LRRC9: variants seen among roughly 807,000 people sequenced by gnomAD.
The protein encoded by LRRC9 is leucine rich repeat containing 9.
Under a neutral mutation model 63.2 loss-of-function variants are expected in LRRC9, and 122 were observed. The ratio of observed to expected loss-of-function variants is 1.93; its 90% CI spans 1.67 to 2.24. The LOEUF (loss-of-function observed/expected upper bound fraction) is 2.24, where lower values mean the gene tolerates loss of function less well. Ranked by LOEUF, LRRC9 falls within the 30% of genes most tolerant of loss-of-function variation. The probability of loss-of-function intolerance (pLI) is 0.00; values close to 1 mark genes in which losing one functional copy is unlikely to be tolerated. For synonymous variants in LRRC9, 366 were observed against 213.1 expected, an observed-to-expected ratio of 1.72 and a Z score of -6.25; for missense variants, 1,071 against 627.7, an observed-to-expected ratio of 1.71 and a Z score of -7.55.
chr14:60,014,669 T>C (rs1890532871), intron 23 of LRRC9, among the ~76,000 whole-genome samples: 1 of 152,130 alleles, frequency 6.6e-6, no homozygotes, highest in Non-Finnish European at 1.5e-5. Flanking sequence ...GTCACTGTTT[T>C]CATGCCTTTT....
intron 1 of LRRC9, among the ~76,000 whole-genome samples, chr14:59,925,414 C>T (rs1034137641): frequency 2.6e-5 from 4 of 152,052 alleles, no homozygotes; most frequent in Admixed American, 2.6e-4. Flanking sequence ...ATGGCCAAGT[C>T]AGAAGGGCAA....
chr14:59,947,148 C>G lies in LRRC9; in HGVS notation c.882+2404C>G, dbSNP rs988315742. Among the ~76,000 whole-genome samples, 128 of 151,456 alleles carry G rather than the reference C, an allele frequency of 8.5e-4. 1 individual carries two copies. Among genetic ancestry groups the G allele is most frequent in the African/African-American group, 3.0e-3 (123 of 41,352 alleles). ...ACAGTGTAAAAGTGTTCTTATTTCT[C>G]CACATCCTCTCCAGCACCTGTTGTT... On this transcript the variant is annotated intron_variant, in intron 8 of 31. Coordinates refer to ENST00000445360, the Ensembl canonical transcript of LRRC9.
chr14:59,942,788 T>C lies in LRRC9; in HGVS notation c.727-1801T>C, dbSNP rs1881926310. 6.6e-6 allele frequency among the ~76,000 whole-genome samples: 1 copy of C among 152,258 alleles called. No individual in the cohort carries two copies. Among genetic ancestry groups the C allele is most frequent in the Non-Finnish European group, 1.5e-5 (1 of 67,990 alleles). On this transcript the variant is annotated intron_variant, in intron 7 of 31. Transcript: ENST00000445360. The surrounding 1 kb of genome is among the most constrained non-coding windows in gnomAD (Gnocchi z 5.3). ...AGCATCTCTCTCTCTCTTTTTTTTT[T>C]CTGTCTTTTTGATAATAGCCATTCT...
chr14:59,979,658 T>G (rs1036295469), intron 15 of LRRC9, among the ~76,000 whole-genome samples: 1 of 152,062 alleles, frequency 6.6e-6, no homozygotes, highest in African/African-American at 2.4e-5. Flanking sequence ...TTTGTTCATG[T>G]CCTTTGTAGG....
rs1887493556 is a variant in LRRC9, at chr14:59,986,548, G to A, written c.2211+1324G>A. Among the ~76,000 whole-genome samples, 6 of 152,306 alleles carry A rather than the reference G, an allele frequency of 3.9e-5. No homozygotes were observed. In the South Asian group the frequency reaches 1.2e-3, roughly 32 times the overall value. On this transcript the variant is annotated intron_variant, in intron 17 of 31. Transcript: ENST00000445360. The surrounding 1 kb of genome is among the most constrained non-coding windows in gnomAD (Gnocchi z 4.7). ...TTCAGTATGCAACTGAGGGAAAAAGGTATTTTAGAAGAGGTCTCAGGACTG... is the reference window on the plus strand; with the variant it reads ...TTCAGTATGCAACTGAGGGAAAAAGATATTTTAGAAGAGGTCTCAGGACTG...
Position 60,053,020 on chromosome 14 carries a change from A to G in LRRC9, c.3991-45A>G. 1.5e-6 allele frequency: 1 copy of G among 677,028 alleles called. No homozygotes were observed. The highest frequency in any genetic ancestry group is 2.7e-5 in the East Asian group (1 of 36,932). The allele number at this position is 677,028 out of a possible 1,614,324, so 41.9% of individuals were successfully genotyped here. On this transcript the variant is annotated intron_variant, in intron 29 of 31. Coordinates refer to ENST00000445360, the Ensembl canonical transcript of LRRC9. The surrounding 1 kb of genome is among the most constrained non-coding windows in gnomAD (Gnocchi z 4.8). Reference sequence around the variant, plus strand: ...TTCTCTATACAGGTTAATCTTTGAAATAAAAGTTTTGTAGGAATAAATTGT... The same window carrying G: ...TTCTCTATACAGGTTAATCTTTGAAGTAAAAGTTTTGTAGGAATAAATTGT...
chr14:60,066,227 G>A (rs527428849), downstream of LRRC9, among the ~76,000 whole-genome samples: 4 of 151,710 alleles, frequency 2.6e-5, no homozygotes, highest in East Asian at 7.7e-4. Context: ...ATGTATGTGT[G>A]TTTGCAGGCA....
At chr14:60,055,845 C>T (rs1451886274) in intron 30 of LRRC9, among the ~76,000 whole-genome samples, 2 of 151,648 alleles carry the variant, frequency 1.3e-5, no homozygotes, top group African/African-American at 4.8e-5. Context: ...GTGGTGGCTG[C>T]CGTGAGCCAA....
chr14:60,055,747 C>CAA (rs903046262), intron 30 of LRRC9, among the ~76,000 whole-genome samples: 4 of 140,966 alleles, frequency 2.8e-5, no homozygotes, highest in Non-Finnish European at 1.5e-5. Context: ...AAAAAAAAAA[C>CAA]AAAAAAAACT....
intron 29 of LRRC9, among the ~76,000 whole-genome samples, chr14:60,034,284 T>C (rs1274493255): frequency 1.3e-5 from 2 of 152,080 alleles, no homozygotes; most frequent in Non-Finnish European, 2.9e-5. Flanking sequence ...CCCAAAGTGC[T>C]GGGATTACAG....
chr14:60,064,410 A>C (rs189548489), downstream of LRRC9, among the ~76,000 whole-genome samples: 1 of 152,372 alleles, frequency 6.6e-6, no homozygotes, highest in African/African-American at 2.4e-5. Flanking sequence ...ACGAAAATAA[A>C]TTATTTTAAC....
Position 59,923,555 on chromosome 14 carries a change from T to C in LRRC9, c.-34+3672T>C, listed in dbSNP as rs1462253969. Among the ~76,000 whole-genome samples, 3 of 152,222 alleles carry C rather than the reference T, an allele frequency of 2.0e-5. No homozygotes were observed. Among genetic ancestry groups the C allele is most frequent in the African/African-American group, 7.2e-5 (3 of 41,448 alleles). On this transcript the variant is annotated intron_variant, in intron 1 of 31. Coordinates refer to ENST00000445360, the Ensembl canonical transcript of LRRC9. The surrounding 1 kb of genome is among the most constrained non-coding windows in gnomAD (Gnocchi z 4.2). ...ATACAAAATAATCCTAAATTTTATT[T>C]GGAAAAATAAATATGGAAGAATATC... is the stretch of plus-strand genomic sequence containing the variant.
At chr14:60,048,626 C>T (rs1395004253) in intron 29 of LRRC9, among the ~76,000 whole-genome samples, 2 of 151,880 alleles carry the variant, frequency 1.3e-5, no homozygotes, top group African/African-American at 4.8e-5. Context: ...AATAATGAGT[C>T]CTGAAATTGA....
At chr14:59,956,116 G>T (rs866416231) in intron 8 of LRRC9, among the ~76,000 whole-genome samples, 3 of 152,010 alleles carry the variant, frequency 2.0e-5, no homozygotes, top group Admixed American at 1.3e-4. Flanking sequence ...ATATATTCTT[G>T]ATTTGGGGTG....
intron 6 of LRRC9, among the ~76,000 whole-genome samples, chr14:59,934,830 T>A (rs978914175): frequency 3.1e-4 from 47 of 152,256 alleles, no homozygotes; most frequent in African/African-American, 9.4e-4. Context: ...TAATTCTTAC[T>A]TTTAAAAGAG....
At chr14:60,016,519 T>C in intron 23 of LRRC9, 141 bp from the exon 24 acceptor site, 2 of 494,856 alleles carry the variant, frequency 4.0e-6, no homozygotes. Flanking sequence ...GTTTGTTTCA[T>C]ATATAATGCA....
At chr14:59,941,017 A>T (rs967649800) in intron 7 of LRRC9, among the ~76,000 whole-genome samples, 6 of 152,026 alleles carry the variant, frequency 3.9e-5, no homozygotes, top group Admixed American at 1.3e-4. Flanking sequence ...CAGTTTATAA[A>T]ATAGTCTTCC....
At chr14:60,046,969 T>C (rs758958159) in intron 29 of LRRC9, among the ~76,000 whole-genome samples, 15 of 152,216 alleles carry the variant, frequency 9.9e-5, no homozygotes, top group Non-Finnish European at 2.2e-4. Context: ...GAAGAGGTCC[T>C]TCATATTCTT....
intron 29 of LRRC9, among the ~76,000 whole-genome samples, chr14:60,034,668 T>C (rs1892284746): frequency 6.6e-6 from 1 of 152,176 alleles, no homozygotes; most frequent in South Asian, 2.1e-4. Context: ...TTGCTGCAAA[T>C]AACAGGATTT....
Sources: allele counts gnomAD v4.1 joint callset (sites outside exome capture counted in the v4.1 genomes callset), GRCh38; gene constraint gnomAD v4.1.1; non-coding constraint Gnocchi (gnomAD v3.1); transcripts MANE v1.5; gene names NCBI Gene and HGNC (gene_info 2026-07-23, HGNC 2026-07-21).